ENTREP2: variants seen among roughly 807,000 people sequenced by gnomAD.
The protein encoded by ENTREP2 is protein ENTREP2.
the ENTREP2 span, among the ~76,000 whole-genome samples, chr15:29,511,495 A>ATTT: frequency 6.8e-6 from 1 of 146,112 alleles, no homozygotes; most frequent in Non-Finnish European, 1.5e-5. Context: ...TGTCCAGCTG[A>ATTT]TTTTTTTTTT....
chr15:29,656,218 A>G, the ENTREP2 span, among the ~76,000 whole-genome samples: 2 of 151,234 alleles, frequency 1.3e-5, no homozygotes, highest in African/African-American at 4.9e-5. Context: ...AATATAAGAA[A>G]TGTTAACGGA....
chr15:29,338,226 C>T, the ENTREP2 span, among the ~76,000 whole-genome samples: 2 of 151,726 alleles, frequency 1.3e-5, no homozygotes, highest in Non-Finnish European at 2.9e-5. Flanking sequence ...GCATGTCCCA[C>T]AGCCCCTCTG....
the ENTREP2 span, among the ~76,000 whole-genome samples, chr15:29,483,698 G>A: frequency 6.6e-6 from 1 of 152,168 alleles, no homozygotes; most frequent in Non-Finnish European, 1.5e-5. Flanking sequence ...AAGTGTTGAA[G>A]TCGAGTATTG....
At chr15:29,446,387 T>G in the ENTREP2 span, among the ~76,000 whole-genome samples, 1 of 152,026 alleles carries the variant, frequency 6.6e-6, no homozygotes, top group East Asian at 1.9e-4. Context: ...CTTGGAAGGT[T>G]TTTTTTTCCT....
the ENTREP2 span, among the ~76,000 whole-genome samples, chr15:29,309,788 CA>C: frequency 1.7e-3 from 198 of 118,210 alleles, no homozygotes; most frequent in Middle Eastern, 0.01. Flanking sequence ...GACTCTGTCT[CA>C]AAAAAAAAAA....
the ENTREP2 span, among the ~76,000 whole-genome samples, chr15:29,531,991 C>T: frequency 6.6e-6 from 1 of 152,318 alleles, no homozygotes; most frequent in African/African-American, 2.4e-5. Flanking sequence ...AGCTAATTAG[C>T]ATATGCATTA....
chr15:29,290,068 G>A, the ENTREP2 span, among the ~76,000 whole-genome samples: 1 of 152,090 alleles, frequency 6.6e-6, no homozygotes, highest in Non-Finnish European at 1.5e-5. Flanking sequence ...ATCTGGCCCT[G>A]GCCTCCCAGG....
chr15:29,493,709 C>T, the ENTREP2 span, among the ~76,000 whole-genome samples: 1 of 152,066 alleles, frequency 6.6e-6, no homozygotes, highest in Non-Finnish European at 1.5e-5. Context: ...GGCATGGTGG[C>T]TCAGGCCTGT....
chr15:29,183,101 G>A, the ENTREP2 span, among the ~76,000 whole-genome samples: 1 of 152,062 alleles, frequency 6.6e-6, no homozygotes, highest in African/African-American at 2.4e-5. Flanking sequence ...CATCATCCAG[G>A]AAATGAATTT....
chr15:29,132,282 C>T, the ENTREP2 span, among the ~76,000 whole-genome samples: 1 of 152,206 alleles, frequency 6.6e-6, no homozygotes, highest in Admixed American at 6.5e-5. Flanking sequence ...GGTGGTGCAG[C>T]TGGCGGCACG....
the ENTREP2 span, among the ~76,000 whole-genome samples, chr15:29,141,702 G>C: frequency 1.3e-5 from 2 of 152,228 alleles, no homozygotes; most frequent in Admixed American, 1.3e-4. Context: ...CAGAATTACA[G>C]GGAAGGGCCT....
the ENTREP2 span, among the ~76,000 whole-genome samples, chr15:29,224,785 G>A: frequency 3.9e-5 from 6 of 152,312 alleles, no homozygotes; most frequent in Admixed American, 1.3e-4. Context: ...GTCCCCTGCT[G>A]GGCACCCACA....
At chr15:29,574,005 AGAAAG>A in the ENTREP2 span, among the ~76,000 whole-genome samples, 3 of 152,166 alleles carry the variant, frequency 2.0e-5, no homozygotes, top group Non-Finnish European at 2.9e-5. Context: ...TCATAAAGAA[AGAAAG>A]GAAAGAAGAA....
the ENTREP2 span, among the ~76,000 whole-genome samples, chr15:29,356,369 T>C: frequency 1.5e-5 from 2 of 134,218 alleles, no homozygotes; most frequent in Non-Finnish European, 3.1e-5. Context: ...TGCAGTGGCG[T>C]GATCTCAGCT....
At chr15:29,656,829 C>T in the ENTREP2 span, among the ~76,000 whole-genome samples, 1 of 152,186 alleles carries the variant, frequency 6.6e-6, no homozygotes, top group African/African-American at 2.4e-5. Flanking sequence ...CCCTATGACC[C>T]TCTAATCTCA....
the ENTREP2 span, among the ~76,000 whole-genome samples, chr15:29,192,223 C>T: frequency 2.6e-5 from 4 of 152,054 alleles, no homozygotes; most frequent in Non-Finnish European, 5.9e-5. Flanking sequence ...CCATCACATA[C>T]CTAAAGGGGA....
At chr15:29,160,782 T>C in the ENTREP2 span, among the ~76,000 whole-genome samples, 1,361 of 150,954 alleles carry the variant, frequency 9.0e-3, 20 homozygotes, top group African/African-American at 0.031. Flanking sequence ...GGACAAACTA[T>C]CTTACATTTA....
At chr15:29,490,219 T>C in the ENTREP2 span, among the ~76,000 whole-genome samples, 39 of 151,356 alleles carry the variant, frequency 2.6e-4, no homozygotes, top group Non-Finnish European at 4.1e-4. Flanking sequence ...TGTTCGGACA[T>C]GTTGGGAGTT....
the ENTREP2 span, among the ~76,000 whole-genome samples, chr15:29,327,453 G>C: frequency 6.6e-6 from 1 of 152,006 alleles, no homozygotes; most frequent in African/African-American, 2.4e-5. Context: ...AAATTAGCCA[G>C]GTGTGCTAGC....
Sources: gnomAD v4.1 joint callset for allele counts (sites outside exome capture counted in the v4.1 genomes callset) on GRCh38, gnomAD v4.1.1 for gene constraint, MANE v1.5 for transcripts, NCBI Gene and HGNC (gene_info 2026-07-23, HGNC 2026-07-21) for gene names.